The following GRID2 variants were observed in gnomAD, a reference collection of about 807,000 sequenced individuals.
The protein encoded by GRID2 is glutamate receptor ionotropic, delta-2.
In GRID2, 33 loss-of-function variants were observed where a neutral mutation model predicts 114.8. That is an observed-to-expected ratio of 0.29 (90% CI 0.22 to 0.38). The LOEUF is 0.38. Among genes scored for constraint, GRID2 ranks in the 10% least tolerant of loss-of-function variants. The pLI, the probability that GRID2 is intolerant of heterozygous loss-of-function variation, is 1.00. For synonymous variants in GRID2, 505 were observed against 449.9 expected (o/e 1.12, Z -1.55); for missense variants, 1,184 against 1,257.7 (o/e 0.94, Z 0.89).
chr4:92,362,074 C>A (rs1728643789), intron 1 of GRID2, among the ~76,000 whole-genome samples: 1 of 151,956 alleles, frequency 6.6e-6, no homozygotes, highest in Admixed American at 6.6e-5. Context: ...AGTAATTGAA[C>A]AACATACTCA....
intron 7 of GRID2, among the ~76,000 whole-genome samples, chr4:93,231,398 A>G (rs1415815797): frequency 1.3e-5 from 2 of 151,708 alleles, no homozygotes; most frequent in Non-Finnish European, 1.5e-5. Context: ...GCCAAAAAAA[A>G]AAAAAAAAGA....
chr4:93,452,925 C>T (rs1722823454), intron 10 of GRID2, among the ~76,000 whole-genome samples: 1 of 150,458 alleles, frequency 6.6e-6, no homozygotes, highest in African/African-American at 2.4e-5. Flanking sequence ...TTTTAGGGTA[C>T]ATGTGCACAA....
intron 2 of GRID2, among the ~76,000 whole-genome samples, chr4:92,762,964 G>A (rs1484737181): frequency 6.6e-6 from 1 of 152,098 alleles, no homozygotes; most frequent in Non-Finnish European, 1.5e-5. Context: ...CAGTGTTACT[G>A]AGTTTACTAC....
At chr4:92,943,059 C>T (rs764945086) in intron 2 of GRID2, among the ~76,000 whole-genome samples, 10 of 152,120 alleles carry the variant, frequency 6.6e-5, no homozygotes, top group Non-Finnish European at 1.3e-4. Flanking sequence ...TGGAGTTGCT[C>T]TTCTCGAGGA....
chr4:92,735,492 T>C (rs1383672559), intron 2 of GRID2, among the ~76,000 whole-genome samples: 1 of 152,120 alleles, frequency 6.6e-6, no homozygotes, highest in African/African-American at 2.4e-5. Flanking sequence ...TGACTGAAAC[T>C]GTGAAAAACA....
chr4:92,639,652 G>C (rs1383517161), intron 2 of GRID2, among the ~76,000 whole-genome samples: 2 of 151,574 alleles, frequency 1.3e-5, no homozygotes, highest in Non-Finnish European at 2.9e-5. Context: ...GGGGAATGAG[G>C]GGGGCCTGGA....
rs186090932 is a variant in GRID2, at chr4:93,258,092, C to G, written c.1245+19602C>G. ...AATACAACACACAATACTGGTAATACTATAATCAATTGCAGACCATACATT... is the reference window on the plus strand; with the variant it reads ...AATACAACACACAATACTGGTAATAGTATAATCAATTGCAGACCATACATT... On this transcript the variant is annotated intron_variant, in intron 8 of 15. Transcript: ENST00000282020. Among the ~76,000 whole-genome samples, 176 of 150,262 alleles carry G rather than the reference C, an allele frequency of 1.2e-3. 3 individuals are homozygous for G. Among genetic ancestry groups the G allele is most frequent in the African/African-American group, 4.2e-3 (174 of 41,088 alleles).
chr4:92,614,092 T>C (rs1363526224), intron 2 of GRID2, among the ~76,000 whole-genome samples: 2 of 151,502 alleles, frequency 1.3e-5, no homozygotes, highest in African/African-American at 2.4e-5. Context: ...TATTATTAAC[T>C]ATAGTCATCC....
chr4:93,115,954 C>T (rs535887597), intron 4 of GRID2, among the ~76,000 whole-genome samples: 4 of 152,170 alleles, frequency 2.6e-5, no homozygotes, highest in South Asian at 4.2e-4. Context: ...TGACTCTTAG[C>T]TCTTTAACTT....
At chr4:93,186,485 T>C (rs6824912) in intron 4 of GRID2, among the ~76,000 whole-genome samples, 27,437 of 152,110 alleles carry the variant, frequency 0.18, 4,189 homozygotes, top group African/African-American at 0.41. Context: ...CAAAATTTCC[T>C]GTGTACTCAG....
chr4:92,595,429 A>G (rs933939047), intron 2 of GRID2, among the ~76,000 whole-genome samples: 2 of 151,950 alleles, frequency 1.3e-5, no homozygotes, highest in African/African-American at 4.8e-5. Flanking sequence ...CACAAAATAA[A>G]TGATATTTTT....
chr4:93,016,720 A>C (rs2149239788), intron 2 of GRID2, among the ~76,000 whole-genome samples: 1 of 152,312 alleles, frequency 6.6e-6, no homozygotes, highest in Non-Finnish European at 1.5e-5. Context: ...GCAAAAGATT[A>C]TAGAAAGAGG....
intron 2 of GRID2, among the ~76,000 whole-genome samples, chr4:93,047,536 A>G (rs1387657028): frequency 3.3e-5 from 5 of 150,820 alleles, no homozygotes; most frequent in Admixed American, 2.0e-4. Flanking sequence ...CTTTTTTTTT[A>G]CTGTATTCTT....
At chr4:92,954,264 T>C (rs992613411) in intron 2 of GRID2, among the ~76,000 whole-genome samples, 1 of 152,042 alleles carries the variant, frequency 6.6e-6, no homozygotes, top group Non-Finnish European at 1.5e-5. Context: ...TACACACATA[T>C]ATATACAAAC....
intron 1 of GRID2, among the ~76,000 whole-genome samples, chr4:92,312,437 C>T (rs76513515): frequency 0.02 from 3,013 of 151,942 alleles, 98 homozygotes; most frequent in East Asian, 0.16. Context: ...AGATTGTGGA[C>T]ATAATGTGAA....
intron 13 of GRID2, among the ~76,000 whole-genome samples, chr4:93,537,035 A>T (rs1732161310): frequency 6.6e-6 from 1 of 151,114 alleles, no homozygotes; most frequent in Non-Finnish European, 1.5e-5. Context: ...AACACTCAAT[A>T]TCTAAAAAAA....
chr4:92,786,646 G>A (rs1739336713), intron 2 of GRID2, among the ~76,000 whole-genome samples: 1 of 151,836 alleles, frequency 6.6e-6, no homozygotes, highest in Non-Finnish European at 1.5e-5. Context: ...AGATTTTAGG[G>A]TGCTGGCAAT....
At chr4:93,676,542 C>A (rs1214243164) in intron 14 of GRID2, among the ~76,000 whole-genome samples, 2 of 151,962 alleles carry the variant, frequency 1.3e-5, no homozygotes, top group Non-Finnish European at 2.9e-5. Flanking sequence ...ATGGCTGTAA[C>A]CTCCACCCCC....
At chr4:92,394,341 A>G (rs944776801) in intron 1 of GRID2, among the ~76,000 whole-genome samples, 2 of 152,076 alleles carry the variant, frequency 1.3e-5, no homozygotes, top group African/African-American at 4.8e-5. Flanking sequence ...TTCTTTACTC[A>G]TGGTGCACAG....
Sources: allele counts gnomAD v4.1 joint callset (sites outside exome capture counted in the v4.1 genomes callset), GRCh38; gene constraint gnomAD v4.1.1; transcripts MANE v1.5; gene names NCBI Gene and HGNC (gene_info 2026-07-23, HGNC 2026-07-21).